CEP128: variants seen among roughly 807,000 people sequenced by gnomAD.
CEP128 encodes centrosomal protein 128.
CEP128 carries 132 observed loss-of-function variants against 156.7 expected under a neutral mutation model. The ratio of observed to expected loss-of-function variants is 0.84; its 90% CI spans 0.73 to 0.97. The LOEUF (loss-of-function observed/expected upper bound fraction) is 0.97, where lower values mean the gene tolerates loss of function less well. Among genes scored for constraint, CEP128 ranks in the 50% least tolerant of loss-of-function variants. The pLI is 0.00. For synonymous variants in CEP128, 469 were observed against 448.9 expected (o/e 1.04, Z -0.57); for missense variants, 1,252 against 1,281.9 (o/e 0.98, Z 0.36).
At chr14:80,560,102 G>A (rs1049347131) in intron 20 of CEP128, among the ~76,000 whole-genome samples, 1 of 152,138 alleles carries the variant, frequency 6.6e-6, no homozygotes, top group African/African-American at 2.4e-5. Flanking sequence ...GGTGGACCAA[G>A]GCCATTTGCC....
intron 13 of CEP128, among the ~76,000 whole-genome samples, chr14:80,796,233 C>T (rs529791346): frequency 3.3e-5 from 5 of 152,164 alleles, no homozygotes; most frequent in African/African-American, 1.2e-4. Context: ...CCGAGGTGGG[C>T]GGATCACTTG....
rs746645316 is a variant in CEP128, at chr14:80,504,922, T to C, written c.3171A>G (p.Ser1057=). Residue 1057 remains serine, a synonymous_variant, in exon 24 of 25, where the codon TCA becomes TCG. Transcript: ENST00000555265. ...HSRFLSSPRF[S]YVNSFTKRTV... is the part of the protein sequence containing the mutation. ...GACTTCATTACTTACAGTTCACGTATGAAAATCTTGGACTAGACAGGAAGC... is the reference window on the plus strand; with the variant it reads ...GACTTCATTACTTACAGTTCACGTACGAAAATCTTGGACTAGACAGGAAGC... 6.3e-7 allele frequency: 1 copy of C among 1,577,150 alleles called. No individual in the cohort carries two copies. Among genetic ancestry groups the C allele is most frequent in the Non-Finnish European group, 8.7e-7 (1 of 1,153,656 alleles).
intron 21 of CEP128, among the ~76,000 whole-genome samples, chr14:80,539,895 C>A (rs187502826): frequency 3.3e-5 from 5 of 152,052 alleles, no homozygotes; most frequent in Admixed American, 6.6e-5. Context: ...GAGATAAGGA[C>A]TGAGATACGC....
chr14:80,561,803 T>A (rs1355076825), intron 20 of CEP128, among the ~76,000 whole-genome samples: 1 of 152,004 alleles, frequency 6.6e-6, no homozygotes, highest in East Asian at 1.9e-4. Flanking sequence ...TTCATTTTAC[T>A]TAATTTTTTA....
chr14:80,769,708 A>T (rs1900420627), intron 16 of CEP128, among the ~76,000 whole-genome samples: 1 of 152,222 alleles, frequency 6.6e-6, no homozygotes, highest in Non-Finnish European at 1.5e-5. Flanking sequence ...TGAAAGTCCA[A>T]ATAAAATAAC....
intron 19 of CEP128, among the ~76,000 whole-genome samples, chr14:80,633,824 T>C (rs1894067025): frequency 6.6e-6 from 1 of 152,184 alleles, no homozygotes; most frequent in African/African-American, 2.4e-5. Context: ...TGTGTGCCCA[T>C]GGGAGGTGTC....
intron 21 of CEP128, among the ~76,000 whole-genome samples, chr14:80,534,890 T>C (rs966982083): frequency 6.6e-6 from 1 of 150,418 alleles, no homozygotes; most frequent in African/African-American, 2.4e-5. Context: ...ATATGACACG[T>C]GCTTAATTTG....
At chr14:80,905,162 C>G (rs533530411) in intron 5 of CEP128, among the ~76,000 whole-genome samples, 2 of 132,128 alleles carry the variant, frequency 1.5e-5, no homozygotes, top group Non-Finnish European at 3.2e-5. Context: ...ATAGAACACT[C>G]AAAAGTTTCA....
Position 80,731,401 on chromosome 14 carries a change from G to A in CEP128, c.2806+11674C>T, listed in dbSNP as rs201323286. ...GAAGTTTATTTTAAGAGTTACATAA[G>A]ATAATACATTTAAAACCTGCACATT... On this transcript the variant is annotated intron_variant, in intron 19 of 24. Coordinates refer to ENST00000555265, the MANE Select transcript of CEP128 (RefSeq NM_152446.5). Among the ~76,000 whole-genome samples, 8 of 152,196 alleles carry A rather than the reference G, an allele frequency of 5.3e-5. No individual in the cohort carries two copies. The East Asian group carries it at 1.4e-3, about 26-fold the overall frequency.
intron 13 of CEP128, among the ~76,000 whole-genome samples, chr14:80,813,724 A>G (rs1884690317): frequency 6.6e-6 from 1 of 152,160 alleles, no homozygotes; most frequent in Non-Finnish European, 1.5e-5. Context: ...ATTAAGCAGT[A>G]TTATTGATGC....
chr14:80,636,628 T>G (rs1292965893), intron 19 of CEP128, among the ~76,000 whole-genome samples: 3 of 152,146 alleles, frequency 2.0e-5, no homozygotes, highest in East Asian at 1.9e-4. Flanking sequence ...ATCACAAGTT[T>G]CCTCAGATTT....
At chr14:80,738,133 G>A (rs1898628519) in intron 19 of CEP128, among the ~76,000 whole-genome samples, 1 of 152,152 alleles carries the variant, frequency 6.6e-6, no homozygotes, top group South Asian at 2.1e-4. Context: ...ATGATTTGCA[G>A]AATAAGTGAT....
chr14:80,870,702 G>T (rs919678702), intron 8 of CEP128, among the ~76,000 whole-genome samples: 1 of 151,830 alleles, frequency 6.6e-6, no homozygotes, highest in African/African-American at 2.4e-5. Flanking sequence ...CGGATGCCCA[G>T]TATGAACACT....
At chr14:80,844,719 T>G (rs1180976116) in intron 9 of CEP128, among the ~76,000 whole-genome samples, 1 of 152,156 alleles carries the variant, frequency 6.6e-6, no homozygotes, top group Non-Finnish European at 1.5e-5. Context: ...AGCTCAAGGT[T>G]TTATTTTAAG....
At chr14:80,492,553 G>C (rs1887359738), downstream of CEP128, among the ~76,000 whole-genome samples, 1 of 152,120 alleles carries the variant, frequency 6.6e-6, no homozygotes, top group African/African-American at 2.4e-5. Flanking sequence ...GAGAGAGACT[G>C]GGAGAGATGA....
At chr14:80,575,795 A>G (rs1891330346) in intron 20 of CEP128, among the ~76,000 whole-genome samples, 1 of 152,182 alleles carries the variant, frequency 6.6e-6, no homozygotes, top group Non-Finnish European at 1.5e-5. Context: ...GTGCTGACGC[A>G]AAGTAACCTA....
chr14:80,664,621 G>T lies in CEP128; in HGVS notation c.2806+78454C>A, dbSNP rs1895537822. Among the ~76,000 whole-genome samples, 11 of 152,290 alleles carry T rather than the reference G, an allele frequency of 7.2e-5. No individual in the cohort carries two copies. The South Asian group carries it at 2.3e-3, about 32-fold the overall frequency. On this transcript the variant is annotated intron_variant, in intron 19 of 24. Coordinates refer to ENST00000555265, the MANE Select transcript of CEP128 (RefSeq NM_152446.5). ...AATGAGGAAACTGTGGCCATGGAAG[G>T]ATAAATTGATTGTCCTGGTCACAAA...
chr14:80,836,682 A>G (rs1307150680), intron 11 of CEP128, among the ~76,000 whole-genome samples: 4 of 152,200 alleles, frequency 2.6e-5, no homozygotes, highest in Admixed American at 2.6e-4. Flanking sequence ...TTTCATGTGA[A>G]CATGGTCTAT....
At chr14:80,896,905 G>A (rs1318087629) in intron 7 of CEP128, among the ~76,000 whole-genome samples, 1 of 151,924 alleles carries the variant, frequency 6.6e-6, no homozygotes, top group Non-Finnish European at 1.5e-5. Context: ...GTCATTCCAG[G>A]GTTACTTTCA....
Sources: gnomAD v4.1 joint callset for allele counts (sites outside exome capture counted in the v4.1 genomes callset) on GRCh38, gnomAD v4.1.1 for gene constraint, MANE v1.5 for transcripts, NCBI Gene and HGNC (gene_info 2026-07-23, HGNC 2026-07-21) for gene names.